The following SPARC variants were observed in gnomAD, a reference collection of about 807,000 sequenced individuals.
The protein encoded by SPARC is secreted protein acidic and cysteine rich, also known as basement-membrane protein 40.
Under a neutral mutation model 37.7 loss-of-function variants are expected in SPARC, and 23 were observed. The ratio of observed to expected loss-of-function variants is 0.61; its 90% confidence interval spans 0.44 to 0.87. The LOEUF (loss-of-function observed/expected upper bound fraction) is 0.87, where lower values mean the gene tolerates loss of function less well. Ranked by LOEUF, SPARC falls within the 40% of genes least tolerant of loss-of-function variation. The pLI is 0.00. For synonymous variants in SPARC, 155 were observed against 150.8 expected (o/e 1.03, Z -0.20); for missense variants, 312 against 389.0 (o/e 0.80, Z 1.66).
chr5:151,663,099 T>C lies in SPARC; in HGVS notation c.*472A>G, dbSNP rs1760545749. The stretch of plus-strand genomic sequence containing the variant: ...TGAGCCTCTAGTCCCAAAACCATCC[T>C]TGACAACATCGTGTGTCTGTTACTT... On this transcript the variant is annotated 3_prime_UTR_variant, in exon 10 of 10. Transcript: ENST00000231061. The C allele has an allele frequency of 6.4e-6, 1 of 156,688 alleles. No individual in the cohort carries two copies. The highest frequency in any genetic ancestry group is 2.6e-5 in the African/African-American group (1 of 38,610). The allele number at this position is 156,688 out of a possible 1,614,324, so 9.7% of individuals were successfully genotyped here.
At chr5:151,673,268 C>A (rs752087043) in intron 3 of SPARC, 52 bp from the exon 4 acceptor site, 7 of 1,265,060 alleles carry the variant, frequency 5.5e-6, no homozygotes, top group South Asian at 1.2e-5. Flanking sequence ...CATCCCAGAC[C>A]CATAAGGGTA....
intron 3 of SPARC, among the ~76,000 whole-genome samples, chr5:151,674,104 C>T (rs1436395123): frequency 6.6e-6 from 1 of 151,822 alleles, no homozygotes; most frequent in Non-Finnish European, 1.5e-5. Context: ...CTCCACCTCC[C>T]GGGTTCAAGC....
At chr5:151,673,770 G>A (rs1437397812) in intron 3 of SPARC, among the ~76,000 whole-genome samples, 2 of 152,154 alleles carry the variant, frequency 1.3e-5, no homozygotes, top group Non-Finnish European at 2.9e-5. Context: ...GAAGTCTCGT[G>A]TCTCCCTAAA....
At chr5:151,682,354 C>T (rs991346271) in intron 1 of SPARC, among the ~76,000 whole-genome samples, 1 of 152,306 alleles carries the variant, frequency 6.6e-6, no homozygotes, top group East Asian at 1.9e-4. Flanking sequence ...TTGGCTCCCT[C>T]TAGGGCACCG....
chr5:151,664,818 G>A (rs545205366), intron 8 of SPARC, among the ~76,000 whole-genome samples: 17 of 152,314 alleles, frequency 1.1e-4, no homozygotes, highest in African/African-American at 4.1e-4. Context: ...AGCTTTGCTT[G>A]TGTATCCTGT....
chr5:151,663,463 G>C lies in SPARC; in HGVS notation c.*108C>G. On this transcript the variant is annotated 3_prime_UTR_variant, in exon 10 of 10. Coordinates refer to ENST00000231061, the MANE Select transcript of SPARC (RefSeq NM_003118.4). ...AATGTATTCACTTAAATCTATGTTA[G>C]CACCTTGTCTCCAGGCAGAACAACA... 9.4e-7 allele frequency: 1 copy of C among 1,068,466 alleles called. No homozygotes were observed. Among genetic ancestry groups the C allele is most frequent in the Non-Finnish European group, 1.4e-6 (1 of 695,424 alleles). 66.2% of individuals were successfully genotyped at this position (1,068,466 alleles called of 1,614,324 possible).
At chr5:151,683,150 A>G (rs373422099) in intron 1 of SPARC, among the ~76,000 whole-genome samples, 14 of 152,198 alleles carry the variant, frequency 9.2e-5, no homozygotes, top group African/African-American at 3.4e-4. Context: ...CAAGGTCCTC[A>G]GGGTTGCTGA....
Position 151,663,406 on chromosome 5 carries a change from C to T in SPARC, c.*165G>A, listed in dbSNP as rs1009389856. On this transcript the variant is annotated 3_prime_UTR_variant, in exon 10 of 10. Transcript: ENST00000231061. Reference sequence around the variant, plus strand: ...TAAGTTACAGCTAAGAATGTCATGTCTTGGGTTAGAATTTTCATTTTTAGC... The same window carrying T: ...TAAGTTACAGCTAAGAATGTCATGTTTTGGGTTAGAATTTTCATTTTTAGC... The T allele has an allele frequency of 2.9e-6, 2 of 681,816 alleles. No individual in the cohort carries two copies. Among genetic ancestry groups the T allele is most frequent in the African/African-American group, 3.6e-5 (2 of 55,740 alleles). The allele number at this position is 681,816 out of a possible 1,614,324, so 42.2% of individuals were successfully genotyped here.
chr5:151,671,739 A>C (rs562107502), intron 4 of SPARC, 45 bp from the exon 5 acceptor site: 1 of 1,609,986 alleles, frequency 6.2e-7, no homozygotes, highest in African/African-American at 1.3e-5. Flanking sequence ...CTGGACTAGC[A>C]CATCCACCCC....
At chr5:151,674,520 C>G (rs1348276849) in intron 3 of SPARC, 92 bp downstream of exon 3, 1 of 1,173,378 alleles carries the variant, frequency 8.5e-7, no homozygotes, top group Non-Finnish European at 1.3e-6. Context: ...ATGCCCCACT[C>G]TAGCATTGAG....
intron 1 of SPARC, 62 bp downstream of exon 1, chr5:151,686,803 A>C (rs756871526): frequency 6.6e-6 from 1 of 152,212 alleles, no homozygotes; most frequent in Non-Finnish European, 1.5e-5. Flanking sequence ...TGACGGCGTG[A>C]ACGGGGGTGT....
intron 1 of SPARC, among the ~76,000 whole-genome samples, chr5:151,683,403 TG>T (rs977502072): frequency 1.2e-4 from 18 of 151,976 alleles, no homozygotes; most frequent in African/African-American, 3.9e-4. Flanking sequence ...AAATGGGGAT[TG>T]GGGGGGAAGG....
At position 151,663,423 on chromosome 5, in the gene SPARC, A is replaced by T. The variant is rs1060151; in HGVS notation, c.*148T>A. On this transcript the variant is annotated 3_prime_UTR_variant, in exon 10 of 10. Transcript: ENST00000231061. Reference sequence around the variant, plus strand: ...TGTCATGTCTTGGGTTAGAATTTTCATTTTTAGCACCGTTAATGTATTCAC... The same window carrying T: ...TGTCATGTCTTGGGTTAGAATTTTCTTTTTTAGCACCGTTAATGTATTCAC... 0.035 allele frequency: 26,530 copies of T among 768,866 alleles called. 600 individuals are homozygous for T. The highest frequency in any genetic ancestry group is 0.045 in the Non-Finnish European group (20,509 of 458,958). 47.6% of individuals were successfully genotyped at this position (768,866 alleles called of 1,614,324 possible).
In SPARC at chr5:151,661,626, T is replaced by G. The variant is rs570708229; in HGVS notation, c.*1945A>C. On this transcript the variant is annotated 3_prime_UTR_variant, in exon 10 of 10. Transcript: ENST00000231061. ...CCCAGCTCAAAATACGACACTAACA[T>G]GATGAACATGCATGAGCTTTGAAAA... The G allele has an allele frequency of 1.3e-5, 2 of 152,282 alleles. No homozygotes were observed. The highest frequency in any genetic ancestry group is 4.1e-4 in the South Asian group (2 of 4,822). 9.4% of individuals were successfully genotyped at this position (152,282 alleles called of 1,614,324 possible).
At position 151,664,175 on chromosome 5, in the gene SPARC, G is replaced by A. The variant is rs777044391; in HGVS notation, c.795C>T (p.Cys265=). The change falls in exon 9 of 10, where the codon TGC becomes TGT. Residue 265 remains cysteine, a synonymous_variant. Transcript: ENST00000231061. The part of the protein sequence containing the change: ...LRAPLIPMEH[C]TTRFFETCDL... ...CACAGGTCTCGAAAAAGCGGGTGGT[G>A]CAATGCTCCATGGGGATGAGGGGAG... 6.2e-7 allele frequency: 1 copy of A among 1,614,178 alleles called. No individual in the cohort carries two copies. The highest frequency in any genetic ancestry group is 1.7e-5 in the Admixed American group (1 of 60,024).
Position 151,674,528 on chromosome 5 carries a change from G to A in SPARC, c.120+84C>T. 7.0e-6 allele frequency: 9 copies of A among 1,288,134 alleles called. No individual in the cohort carries two copies. In the South Asian group the frequency reaches 1.1e-4, roughly 16 times the overall value. 79.8% of individuals were successfully genotyped at this position (1,288,134 alleles called of 1,614,324 possible). ...GAGACGAATGCCCCACTCTAGCATT[G>A]AGACCCACAGCATCCGCCCTAATTT... On this transcript the variant is annotated intron_variant, in intron 3 of 9. Coordinates refer to ENST00000231061, the MANE Select transcript of SPARC (RefSeq NM_003118.4).
chr5:151,681,054 A>G (rs1760976454), intron 1 of SPARC, among the ~76,000 whole-genome samples: 1 of 152,218 alleles, frequency 6.6e-6, no homozygotes, highest in Non-Finnish European at 1.5e-5. Flanking sequence ...TGGGCAGCTG[A>G]TACCAGCCAA....
intron 7 of SPARC, among the ~76,000 whole-genome samples, chr5:151,666,990 C>G (rs1275871305): frequency 2.0e-5 from 3 of 152,216 alleles, no homozygotes; most frequent in Non-Finnish European, 2.9e-5. Flanking sequence ...CACCACTGCA[C>G]TCCAGCCTGG....
intron 1 of SPARC, among the ~76,000 whole-genome samples, chr5:151,684,113 A>G (rs4958487): frequency 0.46 from 70,485 of 152,044 alleles, 17,381 homozygotes; most frequent in African/African-American, 0.6. Context: ...CACACTGTTG[A>G]TTGACAAATC....
Sources: allele counts gnomAD v4.1 joint callset (sites outside exome capture counted in the v4.1 genomes callset), GRCh38; gene constraint gnomAD v4.1.1; transcripts MANE v1.5; gene names NCBI Gene and HGNC (gene_info 2026-07-23, HGNC 2026-07-21).